The following ROBO1 variants were observed in gnomAD, a reference collection of about 807,000 sequenced individuals.
The protein encoded by ROBO1 is roundabout homolog 1.
ROBO1 carries 149 observed loss-of-function variants against 195.9 expected under a neutral mutation model. The ratio of observed to expected loss-of-function variants is 0.76; its 90% confidence interval spans 0.67 to 0.87. The LOEUF (loss-of-function observed/expected upper bound fraction) is 0.87, where lower values mean the gene tolerates loss of function less well. Among genes scored for constraint, ROBO1 ranks in the 40% least tolerant of loss-of-function variants. ROBO1 has a pLI of 0.00. For missense variants in ROBO1, 1,933 were observed against 2,068.3 expected, an observed-to-expected ratio of 0.93 and a Z score of 1.27; for synonymous variants, 816 against 733.2, an observed-to-expected ratio of 1.11 and a Z score of -1.82.
chr3:79,712,247 A>G (rs1702307643), intron 1 of ROBO1, among the ~76,000 whole-genome samples: 1 of 152,160 alleles, frequency 6.6e-6, no homozygotes, highest in African/African-American at 2.4e-5. Flanking sequence ...CTTGTGCCAA[A>G]AAGTTATCCA....
Position 79,545,693 on chromosome 3 carries a change from G to A in ROBO1, c.88+44131C>T, listed in dbSNP as rs1942238347. On this transcript the variant is annotated intron_variant, in intron 2 of 30. Transcript: ENST00000464233. ...ATTACAAAATTACAAGATTCGAGAT[G>A]GTAGGTAGGTTTTTTCTTTATTTTA... 1.3e-5 allele frequency among the ~76,000 whole-genome samples: 2 copies of A among 150,070 alleles called. 1 individual carries two copies. The highest frequency in any genetic ancestry group is 4.2e-4 in the South Asian group (2 of 4,782).
At chr3:79,654,699 T>C (rs1301979197) in intron 1 of ROBO1, among the ~76,000 whole-genome samples, 1 of 148,866 alleles carries the variant, frequency 6.7e-6, no homozygotes, top group Non-Finnish European at 1.5e-5. Flanking sequence ...GACTTTTGAA[T>C]TGCACTCTGT....
intron 2 of ROBO1, among the ~76,000 whole-genome samples, chr3:79,371,356 A>G (rs1023526717): frequency 6.6e-6 from 1 of 152,186 alleles, no homozygotes; most frequent in Admixed American, 6.5e-5. Context: ...TTTCCAGAAG[A>G]CAGAATTTAA....
chr3:79,355,307 A>C (rs1485773980), intron 2 of ROBO1, among the ~76,000 whole-genome samples: 1 of 152,108 alleles, frequency 6.6e-6, no homozygotes, highest in Non-Finnish European at 1.5e-5. Context: ...AATAAGTGCA[A>C]TTTACGGGGC....
intron 2 of ROBO1, among the ~76,000 whole-genome samples, chr3:79,181,370 C>A (rs985580422): frequency 6.6e-6 from 1 of 152,148 alleles, no homozygotes; most frequent in Non-Finnish European, 1.5e-5. Flanking sequence ...AAAGGTTTGC[C>A]AACTCAGTGA....
At chr3:79,712,610 G>A (rs1702318841) in intron 1 of ROBO1, among the ~76,000 whole-genome samples, 1 of 152,132 alleles carries the variant, frequency 6.6e-6, no homozygotes, top group Non-Finnish European at 1.5e-5. Flanking sequence ...TTATCCAGAA[G>A]ATATAGGTAA....
intron 18 of ROBO1, among the ~76,000 whole-genome samples, chr3:78,655,556 G>T (rs914827093): frequency 6.6e-6 from 1 of 152,174 alleles, no homozygotes; most frequent in Non-Finnish European, 1.5e-5. Flanking sequence ...TTTGGTAGAC[G>T]TTATTGTCTT....
chr3:79,572,589 T>C (rs998379860), intron 2 of ROBO1, among the ~76,000 whole-genome samples: 3 of 152,120 alleles, frequency 2.0e-5, no homozygotes, highest in Non-Finnish European at 4.4e-5. Flanking sequence ...AGAAAAAGGA[T>C]GGTCTTCTGA....
intron 1 of ROBO1, among the ~76,000 whole-genome samples, chr3:79,740,578 G>C (rs1196299446): frequency 6.6e-6 from 1 of 152,100 alleles, no homozygotes; most frequent in East Asian, 1.9e-4. Context: ...TGAGTGCCGA[G>C]TGCCGAGCAA....
At chr3:78,784,739 C>G (rs1440129382) in intron 4 of ROBO1, among the ~76,000 whole-genome samples, 3 of 152,050 alleles carry the variant, frequency 2.0e-5, no homozygotes, top group Non-Finnish European at 4.4e-5. Flanking sequence ...CAACATTGGT[C>G]CTGGATATTA....
chr3:79,270,049 G>C (rs1424365687), intron 2 of ROBO1, among the ~76,000 whole-genome samples: 1 of 151,782 alleles, frequency 6.6e-6, no homozygotes, highest in African/African-American at 2.4e-5. Context: ...CTGCTGCACA[G>C]ATAACATATG....
At position 79,210,787 on chromosome 3, in the gene ROBO1, G is replaced by A. The variant is rs188890958; in HGVS notation, c.89-85248C>T. Among the ~76,000 whole-genome samples the A allele has an allele frequency of 4.4e-3, 662 of 152,142 alleles. 9 individuals carry two copies. Among genetic ancestry groups the A allele is most frequent in the African/African-American group, 0.015 (627 of 41,506 alleles). On this transcript the variant is annotated intron_variant, in intron 2 of 30. Transcript: ENST00000464233. ...TTACCTTAAAATCCTATATTAGATG[G>A]TTTATGAATATTGTTGAAAATGAAT...
chr3:78,990,329 A>G (rs905647384), intron 3 of ROBO1, among the ~76,000 whole-genome samples: 1 of 152,186 alleles, frequency 6.6e-6, no homozygotes, highest in Admixed American at 6.6e-5. Flanking sequence ...TTTAAACAGG[A>G]GAGCTGTGGA....
In ROBO1 at chr3:79,508,282, G is replaced by C. The variant is rs528406944; in HGVS notation, c.88+81542C>G. ...AAAAATCAAAAAGAAGAGGAGATTA[G>C]GACAGAGGCAAACACAAAAGGAAGA... On this transcript the variant is annotated intron_variant, in intron 2 of 30. Coordinates refer to ENST00000464233, the MANE Select transcript of ROBO1 (RefSeq NM_002941.4). Among the ~76,000 whole-genome samples, 5 of 151,944 alleles carry C rather than the reference G, an allele frequency of 3.3e-5. No homozygotes were observed. In the South Asian group the frequency reaches 1.0e-3, roughly 31 times the overall value.
At chr3:78,788,426 C>CT (rs373965044) in intron 4 of ROBO1, among the ~76,000 whole-genome samples, 28,070 of 73,776 alleles carry the variant, frequency 0.38, 7,405 homozygotes, top group East Asian at 0.57. Context: ...CCTCTCTTTT[C>CT]TTTTTTTTTT....
At position 78,717,340 on chromosome 3, in the gene ROBO1, C is replaced by T; in HGVS notation, c.852G>A (p.Glu284=). Residue 284 remains glutamate (E), a synonymous_variant, in exon 7 of 31, where the codon GAG becomes GAA. Transcript: ENST00000464233. ...CTGTAGGTACAGGGTCACCTCGGGC[C>T]TCACATTTAAATTCTGCACTGTCAT... ...TVDDSAEFKC[E]ARGDPVPTVR... 6.2e-7 allele frequency: 1 copy of T among 1,612,766 alleles called. No individual in the cohort carries two copies. Among genetic ancestry groups the T allele is most frequent in the Non-Finnish European group, 8.5e-7 (1 of 1,179,450 alleles).
chr3:78,662,305 TAGAG>T (rs1204057570), intron 14 of ROBO1, among the ~76,000 whole-genome samples, 191 bp from the exon 15 acceptor site: 1 of 147,580 alleles, frequency 6.8e-6, no homozygotes, highest in Non-Finnish European at 1.5e-5. Context: ...TAAGAGGGGA[TAGAG>T]AGAGTAGAGA....
chr3:78,621,667 C>T (rs913614296), intron 26 of ROBO1, among the ~76,000 whole-genome samples: 6 of 152,148 alleles, frequency 3.9e-5, no homozygotes, highest in Admixed American at 3.9e-4. Flanking sequence ...TGGGACTTGT[C>T]GCAAATGAAC....
chr3:79,199,362 G>A (rs1394650824), intron 2 of ROBO1, among the ~76,000 whole-genome samples: 2 of 151,714 alleles, frequency 1.3e-5, no homozygotes, highest in African/African-American at 4.8e-5. Context: ...ACCAAACTAG[G>A]CACTTCAAAC....
Sources: allele counts gnomAD v4.1 joint callset (sites outside exome capture counted in the v4.1 genomes callset), GRCh38; gene constraint gnomAD v4.1.1; transcripts MANE v1.5; gene names NCBI Gene and HGNC (gene_info 2026-07-23, HGNC 2026-07-21).